The following NTM variants were observed in gnomAD, a reference collection of about 807,000 sequenced individuals.
The protein encoded by NTM is IgLON family member 2.
Under a neutral mutation model 42.1 loss-of-function variants are expected in NTM, and 13 were observed. That is an observed-to-expected ratio of 0.31 (90% CI 0.20 to 0.49). NTM has a LOEUF of 0.49. Ranked by LOEUF, NTM falls within the 20% of genes least tolerant of loss-of-function variation. The pLI is 0.99. For synonymous variants in NTM, 187 were observed against 179.2 expected (o/e 1.04, Z -0.35); for missense variants, 373 against 452.8 (o/e 0.82, Z 1.60).
At chr11:132,233,948 C>T (rs11222982) in intron 4 of NTM, among the ~76,000 whole-genome samples, 20,904 of 152,264 alleles carry the variant, frequency 0.14, 1,814 homozygotes, top group East Asian at 0.46. Flanking sequence ...CAGGGGTCCT[C>T]CCTGGCTTGT....
At chr11:131,494,715 T>C (rs1955153807) in intron 1 of NTM, among the ~76,000 whole-genome samples, 1 of 152,242 alleles carries the variant, frequency 6.6e-6, no homozygotes, top group African/African-American at 2.4e-5. Flanking sequence ...TCCTACCAAC[T>C]GACCTCCTTC....
At chr11:131,378,471 T>G (rs1355045241) in intron 1 of NTM, among the ~76,000 whole-genome samples, 1 of 152,018 alleles carries the variant, frequency 6.6e-6, no homozygotes, top group Non-Finnish European at 1.5e-5. Flanking sequence ...ATGAACAGAG[T>G]CAGAACATGT....
At chr11:131,663,817 A>G (rs1240610179) in intron 1 of NTM, among the ~76,000 whole-genome samples, 1 of 152,044 alleles carries the variant, frequency 6.6e-6, no homozygotes, top group Admixed American at 6.5e-5. Flanking sequence ...GAGATTTCTT[A>G]TTTTCAAAGT....
chr11:132,180,219 AAAAG>A (rs1480461501), intron 3 of NTM, among the ~76,000 whole-genome samples: 3 of 152,180 alleles, frequency 2.0e-5, no homozygotes, highest in African/African-American at 7.2e-5. Flanking sequence ...ATGAAAGAGA[AAAAG>A]AACATCTTCA....
intron 1 of NTM, among the ~76,000 whole-genome samples, chr11:131,712,364 A>C (rs2512875): frequency 0.19 from 29,250 of 151,868 alleles, 2,982 homozygotes; most frequent in Middle Eastern, 0.24. Flanking sequence ...TGTTAGCTGT[A>C]AGAACTACCT....
Position 131,440,854 on chromosome 11 carries a change from A to T in NTM, c.82+69966A>T, listed in dbSNP as rs1326354785. On this transcript the variant is annotated intron_variant, in intron 1 of 8. Transcript: ENST00000683400. ...AAAAAAAAAAAAAAAAAAAAAAAAA[A>T]AAAAAAAAAATTCATGCCCGTGTCT... Among the ~76,000 whole-genome samples the T allele has an allele frequency of 2.4e-5, 3 of 124,098 alleles. No individual in the cohort carries two copies. The East Asian group carries it at 6.1e-4, about 25-fold the overall frequency. The allele number at this position is 124,098 out of a possible 152,430, so 81.4% of individuals were successfully genotyped here.
intron 2 of NTM, among the ~76,000 whole-genome samples, chr11:132,063,877 T>A (rs892552349): frequency 1.1e-4 from 16 of 152,312 alleles, no homozygotes; most frequent in Admixed American, 1.0e-3. Flanking sequence ...CTCACCATCT[T>A]CACCCTCTCT....
chr11:132,245,326 A>G (rs983332996), intron 4 of NTM, among the ~76,000 whole-genome samples: 1 of 152,166 alleles, frequency 6.6e-6, no homozygotes, highest in African/African-American at 2.4e-5. Flanking sequence ...AAAAGCATTC[A>G]GACGGGAGGT....
chr11:132,037,013 G>T (rs1420508223), intron 2 of NTM, among the ~76,000 whole-genome samples: 4 of 152,108 alleles, frequency 2.6e-5, no homozygotes, highest in African/African-American at 9.7e-5. Flanking sequence ...CTGCTACTCT[G>T]CCTGCTTAGG....
intron 2 of NTM, among the ~76,000 whole-genome samples, chr11:132,122,386 G>A (rs995607048): frequency 2.6e-5 from 4 of 152,198 alleles, no homozygotes; most frequent in Non-Finnish European, 5.9e-5. Context: ...CAACAACTCT[G>A]TAGTCAGCAA....
At chr11:131,571,846 A>G (rs2057468302) in intron 1 of NTM, among the ~76,000 whole-genome samples, 2 of 152,210 alleles carry the variant, frequency 1.3e-5, no homozygotes, top group African/African-American at 4.8e-5. Flanking sequence ...GCCTCAGCAC[A>G]GAGACTCCTT....
chr11:131,531,766 G>A (rs1054269250), intron 1 of NTM, among the ~76,000 whole-genome samples: 1 of 152,194 alleles, frequency 6.6e-6, no homozygotes, highest in African/African-American at 2.4e-5. Context: ...GAGGTGAAAT[G>A]CTTTAAGAAA....
At chr11:131,459,183 A>G (rs566096705) in intron 1 of NTM, among the ~76,000 whole-genome samples, 4 of 152,372 alleles carry the variant, frequency 2.6e-5, no homozygotes, top group South Asian at 2.1e-4. Flanking sequence ...GACAGCTGCC[A>G]TTCAGGACCT....
intron 1 of NTM, among the ~76,000 whole-genome samples, chr11:131,641,039 G>T (rs909393301): frequency 6.6e-6 from 1 of 152,186 alleles, no homozygotes; most frequent in African/African-American, 2.4e-5. Context: ...ACAAGCAACC[G>T]CATATTCTTA....
chr11:131,749,093 A>G (rs1213242194), intron 1 of NTM, among the ~76,000 whole-genome samples: 2 of 152,236 alleles, frequency 1.3e-5, no homozygotes, highest in Non-Finnish European at 2.9e-5. Flanking sequence ...CAGTTGAAAC[A>G]GGAGTGGGCA....
chr11:131,874,030 A>ATATAT (rs1555162935), intron 1 of NTM, among the ~76,000 whole-genome samples: 53 of 76,618 alleles, frequency 6.9e-4, no homozygotes, highest in Non-Finnish European at 9.7e-4. Flanking sequence ...AATATAATAT[A>ATATAT]ATATATATAT....
intron 1 of NTM, among the ~76,000 whole-genome samples, chr11:131,562,213 T>A (rs1235908293): frequency 6.6e-6 from 1 of 152,026 alleles, no homozygotes; most frequent in Non-Finnish European, 1.5e-5. Context: ...GAGGGAAAAG[T>A]CTATTTCTCA....
intron 2 of NTM, among the ~76,000 whole-genome samples, chr11:132,113,120 T>G (rs1162830721): frequency 6.6e-6 from 1 of 152,192 alleles, no homozygotes; most frequent in Non-Finnish European, 1.5e-5. Context: ...CGTACATGCA[T>G]ACATCATGCA....
At chr11:131,459,579 C>A (rs1470145595) in intron 1 of NTM, among the ~76,000 whole-genome samples, 1 of 152,176 alleles carries the variant, frequency 6.6e-6, no homozygotes, top group African/African-American at 2.4e-5. Context: ...AGCATTGATT[C>A]ACTATGAGTA....
Sources: allele counts gnomAD v4.1 joint callset (sites outside exome capture counted in the v4.1 genomes callset), GRCh38; gene constraint gnomAD v4.1.1; transcripts MANE v1.5; gene names NCBI Gene and HGNC (gene_info 2026-07-23, HGNC 2026-07-21).